CCNY: variants seen among roughly 807,000 people sequenced by gnomAD.
CCNY encodes cyclin Y.
CCNY carries 19 observed loss-of-function variants against 42.8 expected under a neutral mutation model. That is an observed-to-expected ratio of 0.44 (90% CI 0.31 to 0.65). The LOEUF (loss-of-function observed/expected upper bound fraction) is 0.65. Ranked by LOEUF, CCNY falls within the 30% of genes least tolerant of loss-of-function variation. The pLI, the probability that CCNY is intolerant of heterozygous loss-of-function variation, is 0.07. For missense variants in CCNY, 370 were observed against 437.3 expected (o/e 0.85, Z 1.37); for synonymous variants, 165 against 162.7 (o/e 1.01, Z -0.11).
In CCNY at chr10:35,572,280, A is replaced by AT. The variant is rs975567283; in HGVS notation, c.*3121dup. Reference sequence around the variant, plus strand: ...CTGGGGCCATATTTTACAGATTTGAATTTTTTTTTTTCTTTTTTTGAGATG... The same window carrying AT: ...CTGGGGCCATATTTTACAGATTTGAATTTTTTTTTTTTCTTTTTTTGAGATG... On this transcript the variant is annotated 3_prime_UTR_variant, in exon 10 of 10. Transcript: ENST00000374704. 33 of 147,894 alleles carry AT rather than the reference A, an allele frequency of 2.2e-4. No homozygotes were observed. Among genetic ancestry groups the AT allele is most frequent in the South Asian group, 4.3e-4 (2 of 4,660 alleles). The allele number at this position is 147,894 out of a possible 1,614,324, so 9.2% of individuals were successfully genotyped here.
At chr10:35,529,310 T>C (rs899016715) in intron 5 of CCNY, among the ~76,000 whole-genome samples, 1 of 152,218 alleles carries the variant, frequency 6.6e-6, no homozygotes, top group Non-Finnish European at 1.5e-5. Context: ...GCTTCTTTCC[T>C]ATCACCCACA....
intron 1 of CCNY, among the ~76,000 whole-genome samples, chr10:35,427,154 T>A (rs1048352975): frequency 6.6e-6 from 1 of 152,240 alleles, no homozygotes; most frequent in Non-Finnish European, 1.5e-5. Context: ...AAATCTACCA[T>A]GTCAGCTGCA....
intron 3 of CCNY, chr10:35,320,954 CA>C (rs879877771): frequency 2.6e-3 from 365 of 140,108 alleles, no homozygotes; most frequent in Middle Eastern, 3.6e-3. Flanking sequence ...ACAGCAAGAC[CA>C]AAAAAAAAAA....
intron 1 of CCNY, among the ~76,000 whole-genome samples, chr10:35,343,361 C>T (rs900146149): frequency 1.3e-5 from 2 of 150,522 alleles, no homozygotes; most frequent in African/African-American, 4.9e-5. Flanking sequence ...CCTTCTCACC[C>T]TCCTCTACAA....
At chr10:35,325,565 T>C (rs1835871047) in intron 3 of CCNY, among the ~76,000 whole-genome samples, 1 of 151,378 alleles carries the variant, frequency 6.6e-6, no homozygotes, top group Non-Finnish European at 1.5e-5. Flanking sequence ...CTGCAGCCTC[T>C]GCCTACAGGG....
intron 3 of CCNY, among the ~76,000 whole-genome samples, chr10:35,323,984 C>A (rs191704712): frequency 6.6e-6 from 1 of 151,226 alleles, no homozygotes; most frequent in East Asian, 1.9e-4. Context: ...CACACCACTG[C>A]ACTCCAGCCT....
intron 3 of CCNY, among the ~76,000 whole-genome samples, chr10:35,305,596 G>C (rs576528604): frequency 2.6e-5 from 4 of 152,214 alleles, no homozygotes; most frequent in Non-Finnish European, 4.4e-5. Flanking sequence ...GGTAAGGTTT[G>C]TGCTACTTAT....
Position 35,417,830 on chromosome 10 carries a change from T to C in CCNY, c.155-65574T>C, listed in dbSNP as rs150988860. 4.7e-3 allele frequency among the ~76,000 whole-genome samples: 713 copies of C among 152,340 alleles called. 5 individuals are homozygous for C. Among genetic ancestry groups the C allele is most frequent in the Non-Finnish European group, 7.4e-3 (504 of 68,034 alleles). Reference sequence around the variant, plus strand: ...TTTTAGGGGTCTCTAATCCTGTCTCTGGGTTGACAGAATTGGGAGAGTGAA... The same window carrying C: ...TTTTAGGGGTCTCTAATCCTGTCTCCGGGTTGACAGAATTGGGAGAGTGAA... On this transcript the variant is annotated intron_variant, in intron 1 of 9. Coordinates refer to ENST00000374704, the MANE Select transcript of CCNY (RefSeq NM_145012.6).
intron 5 of CCNY, among the ~76,000 whole-genome samples, chr10:35,526,260 T>G (rs1646069071): frequency 6.6e-6 from 1 of 152,210 alleles, no homozygotes; most frequent in African/African-American, 2.4e-5. Flanking sequence ...TCCTTTTTCT[T>G]CTTTATTTTC....
intron 8 of CCNY, among the ~76,000 whole-genome samples, chr10:35,559,681 C>T (rs576117137): frequency 6.6e-6 from 1 of 152,324 alleles, no homozygotes; most frequent in African/African-American, 2.4e-5. Context: ...GCAAGGCTGT[C>T]GTACTCTGGC....
At chr10:35,260,410 G>A (rs536865356) in intron 3 of CCNY, among the ~76,000 whole-genome samples, 19 of 152,192 alleles carry the variant, frequency 1.2e-4, no homozygotes, top group Non-Finnish European at 2.4e-4. Context: ...CATCATTCCC[G>A]TCACTCCCAC....
chr10:35,428,175 TTC>T (rs1341442250), intron 1 of CCNY, among the ~76,000 whole-genome samples: 1 of 152,230 alleles, frequency 6.6e-6, no homozygotes, highest in Non-Finnish European at 1.5e-5. Flanking sequence ...TGCTCTTGTG[TTC>T]TTTACAGTCT....
At chr10:35,463,429 A>T (rs946697230) in intron 1 of CCNY, among the ~76,000 whole-genome samples, 1 of 152,234 alleles carries the variant, frequency 6.6e-6, no homozygotes. Context: ...GTATATGCAT[A>T]TATGTATATA....
At chr10:35,354,267 CCT>C (rs919773958) in intron 1 of CCNY, among the ~76,000 whole-genome samples, 3 of 150,154 alleles carry the variant, frequency 2.0e-5, no homozygotes, top group African/African-American at 7.4e-5. Context: ...CTCACTGCAA[CCT>C]CTGTCTCCTG....
At chr10:35,547,695 G>A (rs187998846) in intron 7 of CCNY, among the ~76,000 whole-genome samples, 20 of 152,282 alleles carry the variant, frequency 1.3e-4, no homozygotes, top group East Asian at 5.8e-4. Flanking sequence ...AGAGCCTGCC[G>A]GAGCCCTGTG....
rs114498267 is a variant in CCNY, at chr10:35,309,616, T to G, written c.-9+58990T>G. 2.2e-3 allele frequency among the ~76,000 whole-genome samples: 340 copies of G among 152,126 alleles called. 1 individual carries two copies. Among genetic ancestry groups the G allele is most frequent in the African/African-American group, 7.7e-3 (320 of 41,500 alleles). On this transcript the variant is annotated intron_variant, in intron 3 of 11. Transcript: ENST00000374706. ...TTGAATTTTCTGTAGAGATGAGGTC[T>G]CACTATGTTGCTTAGGCTGGTCTCG...
chr10:35,285,636 G>A (rs1199200913), intron 3 of CCNY, among the ~76,000 whole-genome samples: 1 of 152,106 alleles, frequency 6.6e-6, no homozygotes, highest in African/African-American at 2.4e-5. Context: ...ATTATTTGTA[G>A]AGACAGGGTC....
intron 3 of CCNY, 29 bp from the exon 4 acceptor site, chr10:35,516,494 G>C (rs748730828): frequency 6.8e-7 from 1 of 1,476,092 alleles, no homozygotes; most frequent in East Asian, 2.3e-5. Context: ...CTGTGTAATT[G>C]CCTTAATCTT....
At chr10:35,306,401 A>G (rs1835606970) in intron 3 of CCNY, among the ~76,000 whole-genome samples, 1 of 152,146 alleles carries the variant, frequency 6.6e-6, no homozygotes, top group Non-Finnish European at 1.5e-5. Context: ...TTCTTTGTAC[A>G]ATATTTCCAT....
Sources: gnomAD v4.1 joint callset for allele counts (sites outside exome capture counted in the v4.1 genomes callset) on GRCh38, gnomAD v4.1.1 for gene constraint, MANE v1.5 for transcripts, NCBI Gene and HGNC (gene_info 2026-07-23, HGNC 2026-07-21) for gene names.